Variants in KDR observed in about 807,000 individuals in gnomAD.
The protein encoded by KDR is kinase insert domain receptor, also known as vascular endothelial growth factor receptor 2.
In KDR, 43 loss-of-function variants were observed where a neutral mutation model predicts 160.9. The ratio of observed to expected loss-of-function variants is 0.27; its 90% CI spans 0.21 to 0.34. The LOEUF (loss-of-function observed/expected upper bound fraction) is 0.34, where lower values mean the gene tolerates loss of function less well. KDR is among the 10% of genes least tolerant of loss of function. KDR has a pLI of 1.00. For synonymous variants in KDR, 617 were observed against 600.1 expected (o/e 1.03, Z -0.41); for missense variants, 1,469 against 1,666.4 (o/e 0.88, Z 2.06).
Position 55,089,034 on chromosome 4 carries a change from G to A in KDR, c.3405-61C>T, listed in dbSNP as rs948300825. The A allele has an allele frequency of 6.0e-6, 7 of 1,173,530 alleles. No individual in the cohort carries two copies. In the Admixed American group the frequency reaches 1.1e-4, roughly 18 times the overall value. 72.7% of individuals were successfully genotyped at this position (1,173,530 alleles called of 1,614,324 possible). ...CTTTCTTCCTGAATGCTGAAAATAA[G>A]CACTTAAATGAGTACACATTTGTAA... On this transcript the variant is annotated intron_variant, in intron 25 of 29. Coordinates refer to ENST00000263923, the MANE Select transcript of KDR (RefSeq NM_002253.4).
At chr4:55,119,622 C>T (rs1720816719) in intron 2 of KDR, among the ~76,000 whole-genome samples, 1 of 152,098 alleles carries the variant, frequency 6.6e-6, no homozygotes, top group Admixed American at 6.6e-5. Context: ...GCAAAAACAG[C>T]ACATGGAAAG....
In KDR at chr4:55,115,364, C is replaced by G; in HGVS notation, c.406G>C (p.Val136Leu). 6.4e-7 allele frequency: 1 copy of G among 1,555,862 alleles called. No homozygotes were observed. The highest frequency in any genetic ancestry group is 8.9e-7 in the Non-Finnish European group (1 of 1,127,082). ...TTGTTTTTGTTCTCAGTAATGTACA[C>G]GACTCCATGTTGGTCACTAACAGAA... ...IASVSDQHGV[V>L]YITENKNKTV... The change falls in exon 4 of 30, where the codon GTG becomes CTG. Residue 136 changes from valine (V) to leucine (L), a missense_variant. Coordinates refer to ENST00000263923, the MANE Select transcript of KDR (RefSeq NM_002253.4).
At chr4:55,080,275 GC>G in intron 29 of KDR, 112 bp from the exon 30 acceptor site, 1 of 864,328 alleles carries the variant, frequency 1.2e-6, no homozygotes, top group Non-Finnish European at 1.9e-6. Flanking sequence ...GGAGACCGCA[GC>G]CCCGTATCTC....
Position 55,081,071 on chromosome 4 carries a change from G to A in KDR, c.3848+885C>T, listed in dbSNP as rs140756484. Among the ~76,000 whole-genome samples, 26 of 152,302 alleles carry A rather than the reference G, an allele frequency of 1.7e-4. No individual in the cohort carries two copies. In the East Asian group the frequency reaches 3.7e-3, roughly 21 times the overall value. On this transcript the variant is annotated intron_variant, in intron 29 of 29. Transcript: ENST00000263923. ...TGGTGCTCTGCACATGATACTTGCC[G>A]AATAAACATTTTTTGAATCAATGAA...
chr4:55,098,829 T>C (rs2110018336), intron 15 of KDR, 26 bp from the exon 16 acceptor site: 3 of 1,507,078 alleles, frequency 2.0e-6, no homozygotes, highest in Non-Finnish European at 2.8e-6. Flanking sequence ...TGAATGAGTA[T>C]CAACAGTTGG....
At chr4:55,082,485 T>C (rs1369820815) in intron 28 of KDR, 51 bp downstream of exon 28, 10 of 1,315,220 alleles carry the variant, frequency 7.6e-6, no homozygotes, top group Non-Finnish European at 1.1e-5. Flanking sequence ...ATCTAGCTAG[T>C]GTTTCATCCT....
intron 3 of KDR, 113 bp from the exon 4 acceptor site, chr4:55,115,524 C>T (rs1433015957): frequency 4.4e-6 from 3 of 676,314 alleles, no homozygotes; most frequent in Non-Finnish European, 8.0e-6. Context: ...AGGGACACCT[C>T]ACACAACCAA....
At chr4:55,110,230 A>G (rs1477659311) in intron 9 of KDR, among the ~76,000 whole-genome samples, 173 bp downstream of exon 9, 1 of 152,226 alleles carries the variant, frequency 6.6e-6, no homozygotes, top group African/African-American at 2.4e-5. Flanking sequence ...ACATGGCCAG[A>G]GCACATGGTC....
intron 5 of KDR, 65 bp downstream of exon 5, chr4:55,114,809 G>C: frequency 7.2e-7 from 1 of 1,390,510 alleles, no homozygotes; most frequent in Non-Finnish European, 1.0e-6. Flanking sequence ...ACTCTATGTT[G>C]TTATCTCCAA....
chr4:55,120,159 C>A (rs1249036190), intron 2 of KDR, among the ~76,000 whole-genome samples: 1 of 152,134 alleles, frequency 6.6e-6, no homozygotes, highest in African/African-American at 2.4e-5. Context: ...CTAGGGTATT[C>A]TTTATACTGC....
Position 55,079,510 on chromosome 4 carries a change from T to G in KDR, c.*431A>C, listed in dbSNP as rs79613355. ...CACGTCCTAAACAAAGCCTCTTGGA[T>G]AGACTCAGCCCTGCAAATCCTTCCC... On this transcript the variant is annotated 3_prime_UTR_variant, in exon 30 of 30. Coordinates refer to ENST00000263923, the MANE Select transcript of KDR (RefSeq NM_002253.4). 213 of 343,660 alleles carry G rather than the reference T, an allele frequency of 6.2e-4. No individual in the cohort carries two copies. The East Asian group carries it at 6.7e-3, about 11-fold the overall frequency. 21.3% of individuals were successfully genotyped at this position (343,660 alleles called of 1,614,324 possible). A position where few individuals can be genotyped will look rare whatever the true frequency, so the allele number is the denominator to read the frequency against.
Position 55,087,677 on chromosome 4 carries a change from G to A in KDR, c.3592C>T (p.Pro1198Ser). The change falls in exon 27 of 30, where the codon CCT becomes TCT. Residue 1198 changes from proline (P) to serine (S), a missense_variant. Around this residue, in one of 7 missense-constraint regions of KDR, gnomAD observed 229 missense variants for 197.8 expected, o/e 1.16. Transcript: ENST00000263923. ...TCCTCCTCCTCCATACAGGAAACAG[G>A]TGAGGTAGGCAGAGAGAGTCCAGAA... ...EDSGLSLPTSPVSCMEEEEVC... is the reference protein window; with the variant it reads ...EDSGLSLPTSSVSCMEEEEVC... The A allele has an allele frequency of 1.2e-6, 2 of 1,614,018 alleles. No individual in the cohort carries two copies. Among genetic ancestry groups the A allele is most frequent in the Non-Finnish European group, 1.7e-6 (2 of 1,179,858 alleles).
chr4:55,102,620 T>C, intron 13 of KDR, 112 bp from the exon 14 acceptor site: 2 of 1,150,666 alleles, frequency 1.7e-6, no homozygotes, highest in Admixed American at 2.0e-5. Context: ...CTTGTTGATA[T>C]ATTAACTTCT....
At chr4:55,114,830 C>T in intron 5 of KDR, 44 bp downstream of exon 5, 1 of 1,484,784 alleles carries the variant, frequency 6.7e-7, no homozygotes, top group East Asian at 2.3e-5. Flanking sequence ...GATCTTAATA[C>T]AAGGATATGT....
chr4:55,107,607 G>A, intron 10 of KDR, 130 bp downstream of exon 10: 1 of 1,035,836 alleles, frequency 9.7e-7, no homozygotes. Flanking sequence ...GATGGATGGA[G>A]ATTCAGGCTA....
chr4:55,105,760 A>G, intron 12 of KDR, 72 bp downstream of exon 12: 1 of 940,910 alleles, frequency 1.1e-6, no homozygotes, highest in Non-Finnish European at 1.8e-6. Context: ...TGGCAAAAAC[A>G]ACAGGGAATT....
chr4:55,110,572 A>G lies in KDR; in HGVS notation c.1092-6T>C, dbSNP rs200041532. 1.3e-3 allele frequency: 2,143 copies of G among 1,612,760 alleles called. 27 individuals are homozygous for G. Among genetic ancestry groups the G allele is most frequent in the South Asian group, 0.011 (1,033 of 91,028 alleles). ...GGGGTATTCCATTTTTATACCTATG[A>G]AAAAAAATTCTCAGGAATTAGTATA... On this transcript the variant is annotated splice_polypyrimidine_tract_variant and splice_region_variant and intron_variant, in intron 8 of 29. Transcript: ENST00000263923.
rs1186133081 is a variant in KDR at position 55,098,921 on chromosome 4, G to A, written c.2267-118C>T. ...AGCTTACCAACTTGGAAAAATCCTAGAGGACAACAGTTACACACCCGTAAC... is the reference window on the plus strand; with the variant it reads ...AGCTTACCAACTTGGAAAAATCCTAAAGGACAACAGTTACACACCCGTAAC... On this transcript the variant is annotated intron_variant, in intron 15 of 29. Coordinates refer to ENST00000263923, the MANE Select transcript of KDR (RefSeq NM_002253.4). The A allele has an allele frequency of 5.7e-6, 4 of 704,290 alleles. No homozygotes were observed. The East Asian group carries it at 8.2e-5, about 15-fold the overall frequency. 43.6% of individuals were successfully genotyped at this position (704,290 alleles called of 1,614,324 possible). A position where few individuals can be genotyped will look rare whatever the true frequency, so the allele number is the denominator to read the frequency against.
intron 14 of KDR, 90 bp downstream of exon 14, chr4:55,102,272 T>C (rs1188889994): frequency 1.3e-6 from 2 of 1,481,972 alleles, no homozygotes; most frequent in African/African-American, 1.4e-5. Context: ...CTGCTTTTTT[T>C]CTACATTACA....
Sources: allele counts gnomAD v4.1 joint callset (sites outside exome capture counted in the v4.1 genomes callset), GRCh38; gene constraint gnomAD v4.1.1; regional missense constraint gnomAD v4.1.1; transcripts MANE v1.5; gene names NCBI Gene and HGNC (gene_info 2026-07-23, HGNC 2026-07-21).